Variants in SLC9A1 observed in about 807,000 individuals in gnomAD.
SLC9A1 encodes sodium/hydrogen exchanger 1.
In SLC9A1, 22 loss-of-function variants were observed where a neutral mutation model predicts 67.9. The ratio of observed to expected loss-of-function variants is 0.32; its 90% CI spans 0.23 to 0.46. The LOEUF (loss-of-function observed/expected upper bound fraction) is 0.46. Ranked by LOEUF, SLC9A1 falls within the 20% of genes least tolerant of loss-of-function variation. The probability of loss-of-function intolerance (pLI) is 1.00; values close to 1 mark genes in which losing one functional copy is unlikely to be tolerated. For missense variants in SLC9A1, 686 were observed against 1,094.8 expected (o/e 0.63, Z 5.27); for synonymous variants, 421 against 471.8 (o/e 0.89, Z 1.40).
intron 1 of SLC9A1, among the ~76,000 whole-genome samples, chr1:27,129,089 A>G (rs371186448): frequency 4.1e-4 from 63 of 152,234 alleles, no homozygotes; most frequent in African/African-American, 1.4e-3. Context: ...CTAGGGAGGC[A>G]AGAGCTTCTC....
Position 27,109,330 on chromosome 1 carries a change from C to T in SLC9A1, c.1064+197G>A, listed in dbSNP as rs572563336. 4.6e-5 allele frequency among the ~76,000 whole-genome samples: 7 copies of T among 152,240 alleles called. No individual in the cohort carries two copies. Among genetic ancestry groups the T allele is most frequent in the Admixed American group, 4.6e-4 (7 of 15,294 alleles). On this transcript the variant is annotated intron_variant, in intron 3 of 11. Transcript: ENST00000263980. The surrounding 1 kb of genome is among the most constrained non-coding windows in gnomAD (Gnocchi z 5.5). Reference sequence around the variant, plus strand: ...CCCCAGGGGGCGCTGCAGAAGTGCTCCTCTTCTAGGAAGCCACTGATGCCC... The same window carrying T: ...CCCCAGGGGGCGCTGCAGAAGTGCTTCTCTTCTAGGAAGCCACTGATGCCC...
chr1:27,132,673 G>A (rs949975659), intron 1 of SLC9A1, among the ~76,000 whole-genome samples: 1 of 152,188 alleles, frequency 6.6e-6, no homozygotes, highest in Admixed American at 6.5e-5. Context: ...AATTAGAGCA[G>A]GACTTTTTCT....
intron 1 of SLC9A1, among the ~76,000 whole-genome samples, chr1:27,135,506 T>A (rs995771670): frequency 6.9e-6 from 1 of 145,022 alleles, no homozygotes; most frequent in African/African-American, 2.6e-5. Context: ...TTTTTTTTTT[T>A]ATTTCTTCCT....
At position 27,139,042 on chromosome 1, in the gene SLC9A1, G is replaced by A. The variant is rs551533671; in HGVS notation, c.352+14941C>T. 1.8e-4 allele frequency among the ~76,000 whole-genome samples: 27 copies of A among 151,950 alleles called. 2 individuals are homozygous for A. The highest frequency in any genetic ancestry group is 6.3e-4 in the African/African-American group (26 of 41,350). ...GTTGTGTTTGCCACCAGTCTGAGGA[G>A]CCCTGGCCAAGTCTACACCCCTCTG... On this transcript the variant is annotated intron_variant, in intron 1 of 11. Coordinates refer to ENST00000263980, the MANE Select transcript of SLC9A1 (RefSeq NM_003047.5).
At chr1:27,122,554 C>G (rs527808414) in intron 1 of SLC9A1, among the ~76,000 whole-genome samples, 79 of 152,296 alleles carry the variant, frequency 5.2e-4, no homozygotes, top group African/African-American at 1.6e-3. Context: ...CCTGAGCCAA[C>G]AGAGCAGGCC....
At position 27,125,381 on chromosome 1, in the gene SLC9A1, C is replaced by G. The variant is rs112234917; in HGVS notation, c.353-11095G>C. ...GTGCCTCAGCCACCTGAGTAGCTGG[C>G]ATTACAGGCACATGCTACCACACCT... On this transcript the variant is annotated intron_variant, in intron 1 of 11. Coordinates refer to ENST00000263980, the MANE Select transcript of SLC9A1 (RefSeq NM_003047.5). Among the ~76,000 whole-genome samples, 1,219 of 144,976 alleles carry G rather than the reference C, an allele frequency of 8.4e-3. 15 individuals are homozygous for G. The highest frequency in any genetic ancestry group is 0.029 in the African/African-American group (1,131 of 39,160).
chr1:27,133,260 G>T lies in SLC9A1; in HGVS notation c.353-18974C>A, dbSNP rs12080234. On this transcript the variant is annotated intron_variant, in intron 1 of 11. Transcript: ENST00000263980. ...TTTCTGTATTTTTTAGTAGAGATGT[G>T]GTTTCATCATGTTGGCCAGGCTGGT... Among the ~76,000 whole-genome samples, 854 of 152,128 alleles carry T rather than the reference G, an allele frequency of 5.6e-3. 10 individuals are homozygous for T. Among genetic ancestry groups the T allele is most frequent in the African/African-American group, 0.019 (794 of 41,494 alleles).
Position 27,101,873 on chromosome 1 carries a change from G to A in SLC9A1, c.1936-47C>T. On this transcript the variant is annotated intron_variant, in intron 9 of 11. Transcript: ENST00000263980. The surrounding 1 kb of genome is among the most constrained non-coding windows in gnomAD (Gnocchi z 4.9). ...GGCAGTGCGGGCCCCGGAAGGCTCTGCTCATGGAGGGGTGGGGGCAGTGCT... is the reference window on the plus strand; with the variant it reads ...GGCAGTGCGGGCCCCGGAAGGCTCTACTCATGGAGGGGTGGGGGCAGTGCT... 4.0e-6 allele frequency: 6 copies of A among 1,507,734 alleles called. No homozygotes were observed. The highest frequency in any genetic ancestry group is 5.5e-6 in the Non-Finnish European group (6 of 1,087,198). 93.4% of individuals were successfully genotyped at this position (1,507,734 alleles called of 1,614,324 possible). A position where few individuals can be genotyped will look rare whatever the true frequency, so the allele number is the denominator to read the frequency against.
intron 1 of SLC9A1, among the ~76,000 whole-genome samples, chr1:27,148,885 C>A (rs374596336): frequency 6.6e-6 from 1 of 152,170 alleles, no homozygotes; most frequent in African/African-American, 2.4e-5. Context: ...TCAGCCACCC[C>A]TTGTGGCTAA....
At chr1:27,123,002 A>C (rs1570865188) in intron 1 of SLC9A1, among the ~76,000 whole-genome samples, 3 of 100,694 alleles carry the variant, frequency 3.0e-5, no homozygotes, top group African/African-American at 4.0e-5. Flanking sequence ...TACCTGGGGA[A>C]GCGGTGGGGG....
At chr1:27,152,813 G>C (rs1376213486) in intron 1 of SLC9A1, among the ~76,000 whole-genome samples, 3 of 152,118 alleles carry the variant, frequency 2.0e-5, no homozygotes, top group Non-Finnish European at 2.9e-5. Flanking sequence ...ACACCAGCCC[G>C]GCAGCACCGC....
intron 1 of SLC9A1, among the ~76,000 whole-genome samples, chr1:27,134,647 C>T (rs931081050): frequency 9.2e-5 from 14 of 152,292 alleles, no homozygotes; most frequent in African/African-American, 3.4e-4. Flanking sequence ...AGACTCTCCC[C>T]TCTTGAAGCT....
intron 1 of SLC9A1, among the ~76,000 whole-genome samples, chr1:27,142,842 T>C (rs2083460723): frequency 1.3e-5 from 2 of 152,090 alleles, no homozygotes; most frequent in Non-Finnish European, 2.9e-5. Flanking sequence ...CACAGCTTAC[T>C]CACTCTGGGG....
At chr1:27,135,849 C>T (rs1041449695) in intron 1 of SLC9A1, among the ~76,000 whole-genome samples, 2 of 152,238 alleles carry the variant, frequency 1.3e-5, no homozygotes, top group Non-Finnish European at 2.9e-5. Flanking sequence ...AGCAGCCAGA[C>T]ACACAAGAGT....
In SLC9A1 at chr1:27,113,908, G is replaced by A; in HGVS notation, c.731C>T (p.Ala244Val). The change falls in exon 2 of 12, where the codon GCT becomes GTT. Residue 244 changes from alanine to valine, a missense_variant. Physicochemically the swap from Ala to Val is moderately conservative, Grantham distance 64 (BLOSUM62 0). This residue lies in a region of SLC9A1 where 13 missense variants were observed against 56.6 expected (regional missense o/e 0.23). Transcript: ENST00000263980. Reference sequence around the variant, plus strand: ...ATTGATGTGAATTTCCTCAAAGACAGCCAGAACCGCCACGGGGTCCACGGC... The same window carrying A: ...ATTGATGTGAATTTCCTCAAAGACAACCAGAACCGCCACGGGGTCCACGGC... ...ISAVDPVAVL[A>V]VFEEIHINEL... 1 of 1,614,210 alleles carries A rather than the reference G, an allele frequency of 6.2e-7. No individual in the cohort carries two copies. The highest frequency in any genetic ancestry group is 8.5e-7 in the Non-Finnish European group (1 of 1,180,036).
At chr1:27,129,712 C>A (rs2083371975) in intron 1 of SLC9A1, among the ~76,000 whole-genome samples, 1 of 152,216 alleles carries the variant, frequency 6.6e-6, no homozygotes, top group South Asian at 2.1e-4. Context: ...GGCACACACA[C>A]CCAGGATGGT....
rs2083138531 is a variant in SLC9A1, at chr1:27,100,957, A to C, written c.2110+246T>G. ...CACGTGTTGGGGGTCTCGATGGGGCAGATACCCTGCCTTCCTGCCAGGCAC... is the reference window on the plus strand; with the variant it reads ...CACGTGTTGGGGGTCTCGATGGGGCCGATACCCTGCCTTCCTGCCAGGCAC... On this transcript the variant is annotated intron_variant, in intron 11 of 11. Transcript: ENST00000263980. The surrounding 1 kb of genome is among the most constrained non-coding windows in gnomAD (Gnocchi z 5.6). Among the ~76,000 whole-genome samples the C allele has an allele frequency of 6.6e-6, 1 of 152,196 alleles. No individual in the cohort carries two copies.
chr1:27,123,850 G>C (rs901704581), intron 1 of SLC9A1, among the ~76,000 whole-genome samples: 1 of 148,936 alleles, frequency 6.7e-6, no homozygotes, highest in African/African-American at 2.5e-5. Context: ...TTTTTGAGAC[G>C]GAGTCCCGCA....
chr1:27,145,572 C>T (rs533587722), intron 1 of SLC9A1, among the ~76,000 whole-genome samples: 126 of 152,342 alleles, frequency 8.3e-4, no homozygotes, highest in South Asian at 2.5e-3. Context: ...ATCACTCCTC[C>T]GCCTTCTGTG....
Sources: gnomAD v4.1 joint callset for allele counts (sites outside exome capture counted in the v4.1 genomes callset) on GRCh38, gnomAD v4.1.1 for gene constraint, gnomAD v4.1.1 regional missense constraint, Gnocchi (gnomAD v3.1) non-coding constraint, MANE v1.5 for transcripts, NCBI Gene and HGNC (gene_info 2026-07-23, HGNC 2026-07-21) for gene names.